Variants in ATRNL1 observed in about 807,000 individuals in gnomAD.
The protein encoded by ATRNL1 is attractin-like protein 1.
In ATRNL1, 95 loss-of-function variants were observed where a neutral mutation model predicts 182.7. The ratio of observed to expected loss-of-function variants is 0.52; its 90% CI spans 0.44 to 0.62. The LOEUF (loss-of-function observed/expected upper bound fraction) is 0.62, where lower values mean the gene tolerates loss of function less well. Ranked by LOEUF, ATRNL1 falls within the 20% of genes least tolerant of loss-of-function variation. The pLI is 0.00. For missense variants in ATRNL1, 1,471 were observed against 1,679.5 expected (o/e 0.88, Z 2.17); for synonymous variants, 576 against 568.3 (o/e 1.01, Z -0.19).
intron 8 of ATRNL1, among the ~76,000 whole-genome samples, chr10:115,207,525 T>C (rs564241032): frequency 6.6e-6 from 1 of 152,070 alleles, no homozygotes; most frequent in Non-Finnish European, 1.5e-5. Context: ...TCATCTCCTG[T>C]AGGGCAAATC....
chr10:115,317,716 G>T (rs1854373192), intron 18 of ATRNL1, among the ~76,000 whole-genome samples: 1 of 152,120 alleles, frequency 6.6e-6, no homozygotes, highest in South Asian at 2.1e-4. Context: ...TGGTGTAAAG[G>T]AATGCTGGTG....
chr10:115,114,474 T>C (rs1002167223), intron 1 of ATRNL1, among the ~76,000 whole-genome samples: 1 of 151,980 alleles, frequency 6.6e-6, no homozygotes, highest in Non-Finnish European at 1.5e-5. Flanking sequence ...AGAGAAAATA[T>C]TTGCAAATCA....
intron 26 of ATRNL1, among the ~76,000 whole-genome samples, chr10:115,643,684 G>C (rs1235914219): frequency 1.3e-5 from 2 of 152,070 alleles, no homozygotes; most frequent in African/African-American, 4.8e-5. Context: ...ATAAGAATAT[G>C]ATGATACTCA....
intron 28 of ATRNL1, among the ~76,000 whole-genome samples, chr10:115,942,066 T>G (rs17270699): frequency 0.16 from 24,312 of 152,198 alleles, 2,188 homozygotes; most frequent in Non-Finnish European, 0.21. Context: ...AGCCAGAGCT[T>G]ATTATAATTT....
intron 24 of ATRNL1, among the ~76,000 whole-genome samples, chr10:115,501,279 A>G (rs1441774670): frequency 6.6e-6 from 1 of 152,120 alleles, no homozygotes; most frequent in Non-Finnish European, 1.5e-5. Context: ...GATTTGTACC[A>G]TTAAATACCT....
chr10:115,549,932 T>G (rs2133810378), intron 26 of ATRNL1, among the ~76,000 whole-genome samples: 1 of 152,038 alleles, frequency 6.6e-6, no homozygotes, highest in Non-Finnish European at 1.5e-5. Flanking sequence ...TGAAAAATAT[T>G]TTATCTCCTA....
At chr10:115,267,968 C>T (rs537421389) in intron 12 of ATRNL1, among the ~76,000 whole-genome samples, 22 of 152,036 alleles carry the variant, frequency 1.4e-4, no homozygotes, top group African/African-American at 5.3e-4. Context: ...GTGATGTTGG[C>T]CAGGCTTGTC....
chr10:115,920,920 C>G (rs1555118568), intron 28 of ATRNL1, among the ~76,000 whole-genome samples: 1 of 152,072 alleles, frequency 6.6e-6, no homozygotes, highest in African/African-American at 2.4e-5. Flanking sequence ...ATATAGAAGA[C>G]ATTTAAATGG....
At chr10:115,184,270 TCTTATA>T (rs1310959886) in intron 8 of ATRNL1, among the ~76,000 whole-genome samples, 1 of 151,496 alleles carries the variant, frequency 6.6e-6, no homozygotes, top group Non-Finnish European at 1.5e-5. Flanking sequence ...AAAGCCAGCA[TCTTATA>T]CTTAATAAGG....
chr10:115,686,642 A>T (rs1555046406), intron 26 of ATRNL1, among the ~76,000 whole-genome samples: 1 of 152,012 alleles, frequency 6.6e-6, no homozygotes, highest in Non-Finnish European at 1.5e-5. Flanking sequence ...AATGGATTTC[A>T]AGTCCGCTAA....
At chr10:115,406,586 G>T (rs1844838855) in intron 20 of ATRNL1, among the ~76,000 whole-genome samples, 1 of 151,974 alleles carries the variant, frequency 6.6e-6, no homozygotes, top group South Asian at 2.1e-4. Context: ...ATGTTCTTAA[G>T]CTTAAAAAAT....
Position 115,301,994 on chromosome 10 carries a change from C to T in ATRNL1, c.2769C>T (p.Ile923=), listed in dbSNP as rs1554924719. The change falls in exon 17 of 29, where the codon ATC becomes ATT. Residue 923 remains isoleucine, a synonymous_variant. Transcript: ENST00000355044. ...KRCVDSNAYI[I]SFPYGQCLEW... ...GTGTTGACTCTAATGCCTATATCAT[C>T]TCTTTTCCATATGGACAATGTCTAG... The T allele has an allele frequency of 1.9e-6, 3 of 1,614,068 alleles. No homozygotes were observed. The highest frequency in any genetic ancestry group is 3.3e-5 in the Admixed American group (2 of 60,008).
chr10:115,939,135 A>G (rs547213488), intron 28 of ATRNL1, among the ~76,000 whole-genome samples: 1 of 152,328 alleles, frequency 6.6e-6, no homozygotes, highest in Non-Finnish European at 1.5e-5. Context: ...ATCCACAGTT[A>G]TTTGTCAATT....
At chr10:115,833,059 G>A (rs116244927) in intron 27 of ATRNL1, among the ~76,000 whole-genome samples, 62 of 152,164 alleles carry the variant, frequency 4.1e-4, no homozygotes, top group African/African-American at 1.4e-3. Flanking sequence ...AATTCAAATA[G>A]CAAACTAAGA....
intron 18 of ATRNL1, among the ~76,000 whole-genome samples, chr10:115,328,827 ATTTG>A (rs1855053035): frequency 6.6e-6 from 1 of 151,672 alleles, no homozygotes; most frequent in African/African-American, 2.4e-5. Context: ...ATGTGTATTT[ATTTG>A]TTTATTCACA....
intron 26 of ATRNL1, among the ~76,000 whole-genome samples, chr10:115,550,963 T>C (rs1284785934): frequency 6.6e-6 from 1 of 151,734 alleles, no homozygotes; most frequent in African/African-American, 2.4e-5. Context: ...ATAAAATGCA[T>C]CTATGTAAAT....
intron 22 of ATRNL1, among the ~76,000 whole-genome samples, chr10:115,464,991 A>G (rs577731590): frequency 6.6e-6 from 1 of 151,838 alleles, no homozygotes; most frequent in African/African-American, 2.4e-5. Context: ...ATGGGCTGAA[A>G]CCAAAGTTTT....
intron 26 of ATRNL1, among the ~76,000 whole-genome samples, chr10:115,688,361 A>G (rs1231076884): frequency 6.6e-6 from 1 of 152,084 alleles, no homozygotes; most frequent in Non-Finnish European, 1.5e-5. Context: ...TAAGGTTGGT[A>G]TACTTTAAGT....
chr10:115,511,461 T>G (rs1850382250), intron 24 of ATRNL1, among the ~76,000 whole-genome samples: 1 of 151,926 alleles, frequency 6.6e-6, no homozygotes, highest in Non-Finnish European at 1.5e-5. Context: ...TCCCTTCAGT[T>G]CGTTAGATGA....
Sources: gnomAD v4.1 joint callset for allele counts (sites outside exome capture counted in the v4.1 genomes callset) on GRCh38, gnomAD v4.1.1 for gene constraint, MANE v1.5 for transcripts, NCBI Gene and HGNC (gene_info 2026-07-23, HGNC 2026-07-21) for gene names.